The following CTNNA3 variants were observed in gnomAD, a reference collection of about 807,000 sequenced individuals.
CTNNA3 encodes catenin alpha 3.
In CTNNA3, 76 loss-of-function variants were observed where a neutral mutation model predicts 95.7. The ratio of observed to expected loss-of-function variants is 0.79; its 90% CI spans 0.66 to 0.96. The LOEUF (loss-of-function observed/expected upper bound fraction) is 0.96. CTNNA3 is among the 40% of genes least tolerant of loss of function. CTNNA3 has a pLI of 0.00. For synonymous variants in CTNNA3, 431 were observed against 374.4 expected (o/e 1.15, Z -1.74); for missense variants, 1,191 against 1,089.8 (o/e 1.09, Z -1.31).
chr10:66,720,951 G>C (rs1017461904), intron 9 of CTNNA3, among the ~76,000 whole-genome samples: 3 of 152,206 alleles, frequency 2.0e-5, no homozygotes, highest in African/African-American at 7.2e-5. Context: ...TCCTACTCCA[G>C]TCCAACAGCT....
intron 11 of CTNNA3, among the ~76,000 whole-genome samples, chr10:66,447,210 T>A (rs551741274): frequency 6.6e-6 from 1 of 152,120 alleles, no homozygotes; most frequent in African/African-American, 2.4e-5. Context: ...TCCATGCTCA[T>A]GGGTAGGAAG....
chr10:66,009,472 A>G (rs932444008), intron 15 of CTNNA3, among the ~76,000 whole-genome samples: 1 of 152,196 alleles, frequency 6.6e-6, no homozygotes, highest in Non-Finnish European at 1.5e-5. Flanking sequence ...TGTCAATGCC[A>G]ATCATACATT....
chr10:66,474,612 A>G (rs571514571), intron 11 of CTNNA3, among the ~76,000 whole-genome samples: 23 of 152,108 alleles, frequency 1.5e-4, no homozygotes, highest in Middle Eastern at 6.8e-3. Context: ...ATTTTTTGAG[A>G]GACTTACATT....
chr10:66,316,794 T>G (rs1463799969), intron 12 of CTNNA3, among the ~76,000 whole-genome samples: 2 of 152,156 alleles, frequency 1.3e-5, no homozygotes, highest in African/African-American at 4.8e-5. Context: ...CTTCTAATAC[T>G]TATTTAAAAT....
chr10:67,586,650 CTCCCCACCCCA>C (rs2133335920), intron 3 of CTNNA3, among the ~76,000 whole-genome samples: 1 of 152,092 alleles, frequency 6.6e-6, no homozygotes, highest in South Asian at 2.1e-4. Context: ...TGTGGAATAT[CTCCCCACCCCA>C]TCCCTATTTT....
At chr10:67,354,250 T>C (rs2132652371) in intron 5 of CTNNA3, among the ~76,000 whole-genome samples, 1 of 152,148 alleles carries the variant, frequency 6.6e-6, no homozygotes, top group South Asian at 2.1e-4. Context: ...CAACTGCCTG[T>C]GTAGCATCTT....
At chr10:67,613,494 G>T (rs778539510) in intron 2 of CTNNA3, among the ~76,000 whole-genome samples, 95 of 152,264 alleles carry the variant, frequency 6.2e-4, no homozygotes, top group Middle Eastern at 3.4e-3. Context: ...AAAGTTTAGT[G>T]ATAACACATA....
rs546670805 is a variant in CTNNA3 at position 67,605,966 on chromosome 10, C to T, written c.292+891G>A. On this transcript the variant is annotated intron_variant, in intron 3 of 17. Transcript: ENST00000433211. ...GATTACAGGCATGGGCCACCGCACT[C>T]GGCCAAAAATTTTTTTTAAATCCCC... Among the ~76,000 whole-genome samples, 86 of 152,268 alleles carry T rather than the reference C, an allele frequency of 5.6e-4. 1 individual carries two copies. In the South Asian group the frequency reaches 0.017, roughly 30 times the overall value.
intron 11 of CTNNA3, among the ~76,000 whole-genome samples, chr10:66,505,050 G>A (rs61869360): frequency 0.022 from 3,330 of 152,196 alleles, 49 homozygotes; most frequent in Non-Finnish European, 0.035. Flanking sequence ...TAAAGTTATA[G>A]CAAAAATTTT....
chr10:66,148,301 T>G (rs180838225), intron 13 of CTNNA3, among the ~76,000 whole-genome samples: 2 of 152,188 alleles, frequency 1.3e-5, no homozygotes, highest in African/African-American at 4.8e-5. Context: ...TCCTGGCTTG[T>G]TTAAGAAAAA....
intron 11 of CTNNA3, among the ~76,000 whole-genome samples, chr10:66,380,437 CT>C (rs1478417411): frequency 1.3e-5 from 2 of 151,828 alleles, no homozygotes; most frequent in African/African-American, 2.4e-5. Flanking sequence ...CAGCAAGACC[CT>C]TTCTTTACAA....
chr10:66,146,904 G>C (rs776408197), intron 13 of CTNNA3, among the ~76,000 whole-genome samples: 3 of 152,140 alleles, frequency 2.0e-5, no homozygotes, highest in Non-Finnish European at 4.4e-5. Context: ...GATAGAGGCA[G>C]AAGCAGTAAA....
intron 7 of CTNNA3, among the ~76,000 whole-genome samples, chr10:66,887,976 G>A (rs769231884): frequency 5.9e-5 from 9 of 152,098 alleles, no homozygotes; most frequent in Non-Finnish European, 1.0e-4. Context: ...CATACCAAAA[G>A]GACTGTGCAG....
chr10:66,186,574 A>G (rs1257188844), intron 13 of CTNNA3, among the ~76,000 whole-genome samples: 3 of 152,230 alleles, frequency 2.0e-5, no homozygotes, highest in Admixed American at 6.5e-5. Context: ...TCATATGTTA[A>G]TAAGAGATTT....
At chr10:66,852,730 A>G (rs1167687516) in intron 7 of CTNNA3, among the ~76,000 whole-genome samples, 1 of 152,224 alleles carries the variant, frequency 6.6e-6, no homozygotes, top group Non-Finnish European at 1.5e-5. Flanking sequence ...TTGTAGTAGT[A>G]CTGTAAAACA....
intron 5 of CTNNA3, among the ~76,000 whole-genome samples, chr10:67,449,800 T>C (rs1481912246): frequency 1.3e-5 from 2 of 151,988 alleles, no homozygotes; most frequent in Non-Finnish European, 2.9e-5. Context: ...AAAGCAAAAA[T>C]TGACAAATGG....
chr10:67,128,789 G>A (rs1025214428), intron 7 of CTNNA3, among the ~76,000 whole-genome samples: 3 of 151,206 alleles, frequency 2.0e-5, no homozygotes. Flanking sequence ...CCTATTTGAG[G>A]GAAACAAAAA....
intron 7 of CTNNA3, among the ~76,000 whole-genome samples, chr10:66,910,281 A>G (rs1202717730): frequency 6.6e-6 from 1 of 152,220 alleles, no homozygotes; most frequent in Non-Finnish European, 1.5e-5. Context: ...AGTAAGTGCA[A>G]GTAATGACAA....
intron 1 of CTNNA3, among the ~76,000 whole-genome samples, chr10:67,649,942 T>C (rs1378403877): frequency 1.3e-5 from 2 of 152,130 alleles, no homozygotes; most frequent in Non-Finnish European, 2.9e-5. Flanking sequence ...CAAGTTCAAG[T>C]GATTCTCCTG....
Sources: allele counts gnomAD v4.1 joint callset (sites outside exome capture counted in the v4.1 genomes callset), GRCh38; gene constraint gnomAD v4.1.1; transcripts MANE v1.5; gene names NCBI Gene and HGNC (gene_info 2026-07-23, HGNC 2026-07-21).